DAB1: variants seen among roughly 807,000 people sequenced by gnomAD.
DAB1 encodes the protein DAB adaptor protein 1, also known as disabled homolog 1.
In DAB1, 15 loss-of-function variants were observed where a neutral mutation model predicts 64.6. The observed-to-expected ratio is 0.23, with a 90% CI of 0.16 to 0.36. DAB1 has a LOEUF of 0.36. Among genes scored for constraint, DAB1 ranks in the 10% least tolerant of loss-of-function variants. The pLI, the probability that DAB1 is intolerant of heterozygous loss-of-function variation, is 1.00. For synonymous variants in DAB1, 235 were observed against 251.9 expected (o/e 0.93, Z 0.64); for missense variants, 596 against 706.7 (o/e 0.84, Z 1.78).
chr1:57,795,929 C>T (rs1650837671), intron 6 of DAB1, among the ~76,000 whole-genome samples: 1 of 151,058 alleles, frequency 6.6e-6, no homozygotes. Context: ...TTGTAAGAAT[C>T]AAATGTCATT....
chr1:58,510,735 CA>C (rs892401056), intron 2 of DAB1, among the ~76,000 whole-genome samples: 26 of 150,094 alleles, frequency 1.7e-4, no homozygotes, highest in African/African-American at 4.4e-4. Flanking sequence ...TCCACACACA[CA>C]AAAAAAAACC....
intron 1 of DAB1, among the ~76,000 whole-genome samples, chr1:57,391,715 T>C (rs1682370712): frequency 6.6e-6 from 1 of 151,572 alleles, no homozygotes; most frequent in Non-Finnish European, 1.5e-5. Flanking sequence ...GGAGCAATGT[T>C]GCCCTAATCC....
At chr1:58,097,483 C>T (rs908733174) in intron 5 of DAB1, among the ~76,000 whole-genome samples, 1 of 151,982 alleles carries the variant, frequency 6.6e-6, no homozygotes, top group Non-Finnish European at 1.5e-5. Context: ...TACTGGGTGA[C>T]CTGATCCTCA....
rs200410055 is a variant in DAB1 at position 58,536,627 on chromosome 1, G to A, written n.33-9292C>T. On this transcript the variant is annotated intron_variant and non_coding_transcript_variant, in intron 1 of 20. Transcript: ENST00000485760. ...GGTGAGTAAAATAAAACACCACAAA[G>A]AGCAATCCAAAACTACTCAAACCAA... 32 of 872,750 alleles carry A rather than the reference G, an allele frequency of 3.7e-5. 1 individual carries two copies. In the East Asian group the frequency reaches 7.4e-4, roughly 20 times the overall value. The allele number at this position is 872,750 out of a possible 1,614,324, so 54.1% of individuals were successfully genotyped here.
intron 2 of DAB1, among the ~76,000 whole-genome samples, chr1:57,220,626 A>G (rs1666791314): frequency 6.6e-6 from 1 of 152,232 alleles, no homozygotes. Flanking sequence ...GAAGACATTT[A>G]TGCAGCCAAC....
chr1:58,491,755 A>G (rs954117058), intron 3 of DAB1, among the ~76,000 whole-genome samples: 2 of 152,236 alleles, frequency 1.3e-5, no homozygotes, highest in Non-Finnish European at 2.9e-5. Flanking sequence ...GAGCACCCAG[A>G]TTCATAAAGC....
chr1:58,180,281 C>CTTTTTTTTTTTTTTTTTTTTTTTT (rs869204611), intron 4 of DAB1, among the ~76,000 whole-genome samples: 9 of 61,036 alleles, frequency 1.5e-4, no homozygotes, highest in South Asian at 7.1e-4. Flanking sequence ...TTTTTCTTTT[C>CTTTTTTTTTTTTTTTTTTTTTTTT]TTTTTTTTTT....
chr1:58,234,788 T>G (rs1391388114), intron 4 of DAB1, among the ~76,000 whole-genome samples: 1 of 152,136 alleles, frequency 6.6e-6, no homozygotes, highest in Non-Finnish European at 1.5e-5. Context: ...ATTGAGGCAA[T>G]GGAGAGCCAT....
intron 7 of DAB1, among the ~76,000 whole-genome samples, chr1:57,601,637 AATGAGACATATTTTGCTATCC>A (rs1285873796): frequency 6.6e-6 from 1 of 152,156 alleles, no homozygotes; most frequent in African/African-American, 2.4e-5. Context: ...GGATGTTAAT[AATGAGACATATTTTGCTATCC>A]ATGGTAGGTA....
chr1:58,158,626 G>A (rs767464728), intron 4 of DAB1, among the ~76,000 whole-genome samples: 21 of 152,258 alleles, frequency 1.4e-4, no homozygotes, highest in Middle Eastern at 3.4e-3. Context: ...TGCAGCTCGC[G>A]TTTCCTTAGA....
At chr1:58,387,246 C>G (rs1290842305) in intron 3 of DAB1, among the ~76,000 whole-genome samples, 1 of 152,156 alleles carries the variant, frequency 6.6e-6, no homozygotes, top group East Asian at 1.9e-4. Context: ...CCTCCACTCT[C>G]TGAAGGTTCA....
chr1:57,696,239 C>T (rs1646843757), intron 6 of DAB1, among the ~76,000 whole-genome samples: 1 of 152,058 alleles, frequency 6.6e-6, no homozygotes, highest in African/African-American at 2.4e-5. Context: ...ATAATGAATG[C>T]TTGTTTTAGT....
intron 5 of DAB1, among the ~76,000 whole-genome samples, chr1:58,057,423 T>A (rs534296578): frequency 6.6e-6 from 1 of 152,208 alleles, no homozygotes; most frequent in Non-Finnish European, 1.5e-5. Context: ...GTGAGTCTAA[T>A]CCTATTGAAT....
At chr1:58,421,276 T>C (rs1644769222) in intron 3 of DAB1, among the ~76,000 whole-genome samples, 1 of 152,218 alleles carries the variant, frequency 6.6e-6, no homozygotes, top group Non-Finnish European at 1.5e-5. Context: ...CTGCTAATAA[T>C]ACCTAATTGG....
At position 57,357,069 on chromosome 1, in the gene DAB1, C is replaced by T. The variant is rs187921916; in HGVS notation, c.-136-65903G>A. ...GTGAAGTCATTAGAACAGTGCCTGGCACACAGTACATGTTCAACACATGTT... is the reference window on the plus strand; with the variant it reads ...GTGAAGTCATTAGAACAGTGCCTGGTACACAGTACATGTTCAACACATGTT... On this transcript the variant is annotated intron_variant, in intron 1 of 14. Transcript: ENST00000371236. Among the ~76,000 whole-genome samples the T allele has an allele frequency of 3.9e-4, 59 of 152,134 alleles. 1 individual carries two copies. The highest frequency in any genetic ancestry group is 2.6e-4 in the Admixed American group (4 of 15,266).
intron 4 of DAB1, among the ~76,000 whole-genome samples, chr1:58,288,104 G>A (rs1359578433): frequency 3.3e-5 from 5 of 150,686 alleles, no homozygotes; most frequent in Middle Eastern, 3.5e-3. Context: ...TAAATATAGA[G>A]TCTTTTAATC....
intron 1 of DAB1, among the ~76,000 whole-genome samples, chr1:57,863,826 T>C (rs910598746): frequency 3.9e-5 from 6 of 152,078 alleles, no homozygotes; most frequent in African/African-American, 1.2e-4. Flanking sequence ...CAACAAGAAC[T>C]GAAGTTAATA....
intron 5 of DAB1, among the ~76,000 whole-genome samples, chr1:57,917,846 C>A (rs1439753545): frequency 2.6e-5 from 4 of 152,052 alleles, no homozygotes; most frequent in African/African-American, 9.7e-5. Context: ...TTTGAGACAC[C>A]AGTAAATAGA....
At chr1:58,422,838 C>T (rs1020529669) in intron 3 of DAB1, among the ~76,000 whole-genome samples, 1 of 152,124 alleles carries the variant, frequency 6.6e-6, no homozygotes, top group Non-Finnish European at 1.5e-5. Flanking sequence ...AATCAAGCCT[C>T]TGCAACTATG....
Sources: allele counts gnomAD v4.1 joint callset (sites outside exome capture counted in the v4.1 genomes callset), GRCh38; gene constraint gnomAD v4.1.1; transcripts MANE v1.5; gene names NCBI Gene and HGNC (gene_info 2026-07-23, HGNC 2026-07-21).